The following SLC41A2 variants were observed in gnomAD, a reference collection of about 807,000 sequenced individuals.
SLC41A2 encodes SLC41A1-like 1.
In SLC41A2, 32 loss-of-function variants were observed where a neutral mutation model predicts 58.3. The ratio of observed to expected loss-of-function variants is 0.55; its 90% CI spans 0.41 to 0.74. The LOEUF (loss-of-function observed/expected upper bound fraction) is 0.74. Ranked by LOEUF, SLC41A2 falls within the 30% of genes least tolerant of loss-of-function variation. The pLI, the probability that SLC41A2 is intolerant of heterozygous loss-of-function variation, is 0.00. For missense variants in SLC41A2, 514 were observed against 680.6 expected (o/e 0.76, Z 2.72); for synonymous variants, 190 against 235.0 (o/e 0.81, Z 1.75).
chr12:104,843,432 G>A (rs1194685433), intron 10 of SLC41A2, among the ~76,000 whole-genome samples: 2 of 151,980 alleles, frequency 1.3e-5, no homozygotes, highest in Non-Finnish European at 2.9e-5. Context: ...TTATTTTAAG[G>A]ATAGATTCTA....
At chr12:104,813,045 G>A (rs1350266969) in intron 10 of SLC41A2, among the ~76,000 whole-genome samples, 2 of 152,024 alleles carry the variant, frequency 1.3e-5, no homozygotes, top group East Asian at 1.9e-4. Flanking sequence ...CAGATGTGGT[G>A]GTGCACGCCT....
chr12:104,916,668 C>A (rs2046337349), intron 2 of SLC41A2, among the ~76,000 whole-genome samples: 1 of 152,086 alleles, frequency 6.6e-6, no homozygotes, highest in Non-Finnish European at 1.5e-5. Context: ...GAAATAACGC[C>A]ACATATCTAC....
chr12:104,894,326 C>T (rs2045176269), intron 4 of SLC41A2, among the ~76,000 whole-genome samples: 2 of 150,964 alleles, frequency 1.3e-5, no homozygotes, highest in South Asian at 2.1e-4. Flanking sequence ...GCACTCCACC[C>T]TGGGCAACAG....
intron 2 of SLC41A2, among the ~76,000 whole-genome samples, chr12:104,910,061 T>A (rs1440964916): frequency 6.6e-6 from 1 of 152,216 alleles, no homozygotes; most frequent in Non-Finnish European, 1.5e-5. Context: ...TATCCCTTTA[T>A]GATGACAATC....
rs554268982 is a variant in SLC41A2, at chr12:104,844,777, C to A, written c.1388-157G>T. On this transcript the variant is annotated intron_variant, in intron 9 of 10. Transcript: ENST00000258538. ...AAATAAATTTCAAGTAGTTACAATT[C>A]ATTTCATTCTCTGAAATTTCCACTA... is the stretch of plus-strand genomic sequence containing the variant. Among the ~76,000 whole-genome samples, 4 of 152,224 alleles carry A rather than the reference C, an allele frequency of 2.6e-5. No homozygotes were observed. The East Asian group carries it at 7.7e-4, about 29-fold the overall frequency.
At chr12:104,905,205 G>A (rs963773327) in intron 3 of SLC41A2, among the ~76,000 whole-genome samples, 1 of 152,144 alleles carries the variant, frequency 6.6e-6, no homozygotes, top group Admixed American at 6.5e-5. Flanking sequence ...TAAACACAGG[G>A]TGCTGATTGG....
intron 10 of SLC41A2, among the ~76,000 whole-genome samples, chr12:104,842,884 G>T (rs1255676248): frequency 6.6e-6 from 1 of 152,078 alleles, no homozygotes; most frequent in Non-Finnish European, 1.5e-5. Flanking sequence ...AGGCTAAGAG[G>T]TAGAGTTGCA....
At chr12:104,879,388 C>T (rs576392687) in intron 6 of SLC41A2, among the ~76,000 whole-genome samples, 2 of 152,298 alleles carry the variant, frequency 1.3e-5, no homozygotes, top group Non-Finnish European at 2.9e-5. Flanking sequence ...CTTGCCCATG[C>T]CTATGTCCCG....
chr12:104,913,870 G>A (rs1204146727), intron 2 of SLC41A2, among the ~76,000 whole-genome samples: 4 of 152,302 alleles, frequency 2.6e-5, no homozygotes, highest in Middle Eastern at 3.4e-3. Context: ...TCAGGAGCTC[G>A]AGACCAGCCT....
intron 3 of SLC41A2, among the ~76,000 whole-genome samples, chr12:104,905,860 G>A (rs1010927009): frequency 6.6e-6 from 1 of 152,224 alleles, no homozygotes; most frequent in African/African-American, 2.4e-5. Context: ...GCCCGCAAGC[G>A]CCGCACACAG....
chr12:104,844,458 G>C lies in SLC41A2; in HGVS notation c.1536+14C>G. The C allele has an allele frequency of 7.1e-7, 1 of 1,416,388 alleles. No individual in the cohort carries two copies. The highest frequency in any genetic ancestry group is 9.3e-7 in the Non-Finnish European group (1 of 1,078,422). The allele number at this position is 1,416,388 out of a possible 1,614,324, so 87.7% of individuals were successfully genotyped here. On this transcript the variant is annotated intron_variant, in intron 10 of 10. Coordinates refer to ENST00000258538, the MANE Select transcript of SLC41A2 (RefSeq NM_001352171.3). ...CTCAGCATAAAAGAGATTTCAAGAA[G>C]TTTTAACTCTTACCTGTAACACAGC...
chr12:104,911,051 A>G (rs536680114), intron 2 of SLC41A2, among the ~76,000 whole-genome samples: 2 of 152,304 alleles, frequency 1.3e-5, no homozygotes, highest in East Asian at 3.9e-4. Context: ...CTTAACCCAC[A>G]TATTCCTTTC....
intron 3 of SLC41A2, among the ~76,000 whole-genome samples, chr12:104,899,693 T>A (rs2045465495): frequency 6.6e-6 from 1 of 152,170 alleles, no homozygotes; most frequent in Admixed American, 6.5e-5. Context: ...GAGATTTCTT[T>A]ATAAGTTTCC....
chr12:104,892,702 A>C (rs1018882542), intron 4 of SLC41A2, among the ~76,000 whole-genome samples: 8 of 152,174 alleles, frequency 5.3e-5, no homozygotes, highest in African/African-American at 1.7e-4. Context: ...ACAAATCCAT[A>C]TATCTACAGT....
At position 104,853,708 on chromosome 12, in the gene SLC41A2, AATGTATGTATGTATGTATGTATGTATGT is replaced by A. The variant is rs57299241; in HGVS notation, c.1255+7555_1255+7582del. Among the ~76,000 whole-genome samples, 429 of 142,678 alleles carry A rather than the reference AATGTATGTATGTATGTATGTATGTATGT, an allele frequency of 3.0e-3. 2 individuals are homozygous for A. Among genetic ancestry groups the A allele is most frequent in the African/African-American group, 0.011 (404 of 38,250 alleles). The allele number at this position is 142,678 out of a possible 152,430, so 93.6% of individuals were successfully genotyped here. ...TAGATCATGCATTATTTTTTAAATA[AATGTATGTATGTATGTATGTATGTATGT>A]ATGTATGTATGTATGTATGTATTTA... On this transcript the variant is annotated intron_variant, in intron 8 of 10. Transcript: ENST00000258538.
intron 2 of SLC41A2, among the ~76,000 whole-genome samples, chr12:104,917,329 G>C (rs1167635259): frequency 2.0e-5 from 3 of 151,870 alleles, no homozygotes; most frequent in Non-Finnish European, 4.4e-5. Context: ...GAAACAACAG[G>C]TCCTGGAGAG....
chr12:104,909,891 T>G lies in SLC41A2; in HGVS notation c.556-129A>C, dbSNP rs2046004946. On this transcript the variant is annotated intron_variant, in intron 2 of 10. Transcript: ENST00000258538. ...ACATTTTGAATAACCACACAGTTCA[T>G]GTAATCAGCGAGCACTTAGCTTAAC... 6.7e-6 allele frequency: 4 copies of G among 595,558 alleles called. No homozygotes were observed. The South Asian group carries it at 8.4e-5, about 13-fold the overall frequency. 36.9% of individuals were successfully genotyped at this position (595,558 alleles called of 1,614,324 possible).
chr12:104,879,732 C>T (rs907646793), intron 6 of SLC41A2, among the ~76,000 whole-genome samples: 11 of 152,046 alleles, frequency 7.2e-5, no homozygotes, highest in Admixed American at 4.6e-4. Flanking sequence ...GGCAGCATGA[C>T]GCCTCCAGCT....
In SLC41A2 at chr12:104,805,272, C is replaced by CG; in HGVS notation, c.1601dup (p.Asp535GlyfsTer2). The CG allele has an allele frequency of 6.2e-7, 1 of 1,613,870 alleles. No homozygotes were observed. Among genetic ancestry groups the CG allele is most frequent in the East Asian group, 2.2e-5 (1 of 44,880 alleles). The stretch of plus-strand genomic sequence containing the variant: ...TTAGGTAGGGGATGGAGAAACTATC[C>CG]GGGTCCTTTCCTTTCCTCCAGAAGT... On this transcript the variant is annotated frameshift_variant, in exon 11 of 11. Transcript: ENST00000258538. LOFTEE classifies it high-confidence loss of function.
Sources: allele counts gnomAD v4.1 joint callset (sites outside exome capture counted in the v4.1 genomes callset), GRCh38; gene constraint gnomAD v4.1.1; transcripts MANE v1.5; gene names NCBI Gene and HGNC (gene_info 2026-07-23, HGNC 2026-07-21).